Variants in PIEZO2 observed in about 807,000 individuals in gnomAD.
The protein encoded by PIEZO2 is piezo-type mechanosensitive ion channel component 2.
Under a neutral mutation model 337.3 loss-of-function variants are expected in PIEZO2, and 172 were observed. That is an observed-to-expected ratio of 0.51 (90% CI 0.45 to 0.58). The LOEUF (loss-of-function observed/expected upper bound fraction) is 0.58. PIEZO2 is among the 20% of genes least tolerant of loss of function. The pLI, the probability that PIEZO2 is intolerant of heterozygous loss-of-function variation, is 0.00. For synonymous variants in PIEZO2, 1,251 were observed against 1,228.5 expected (o/e 1.02, Z -0.38); for missense variants, 3,028 against 3,391.3 (o/e 0.89, Z 2.66).
chr18:10,931,982 C>T (rs555504551), intron 3 of PIEZO2, among the ~76,000 whole-genome samples: 2 of 152,168 alleles, frequency 1.3e-5, no homozygotes, highest in East Asian at 1.9e-4. Context: ...TCCTTAGATA[C>T]GGATATATCT....
intron 3 of PIEZO2, among the ~76,000 whole-genome samples, chr18:10,941,551 A>C (rs902730346): frequency 2.5e-4 from 38 of 152,358 alleles, no homozygotes; most frequent in African/African-American, 7.5e-4. Flanking sequence ...TGCCTAGTAG[A>C]AGCAAACACA....
chr18:10,960,897 G>C (rs941033682), intron 3 of PIEZO2, among the ~76,000 whole-genome samples: 1 of 152,146 alleles, frequency 6.6e-6, no homozygotes, highest in Non-Finnish European at 1.5e-5. Context: ...ACTGTGGTAT[G>C]GCCCGGGGTG....
chr18:10,926,034 C>A (rs939340101), intron 3 of PIEZO2, among the ~76,000 whole-genome samples: 1 of 152,202 alleles, frequency 6.6e-6, no homozygotes, highest in African/African-American at 2.4e-5. Flanking sequence ...CATTTAAGAT[C>A]TTAGGCAGAA....
intron 11 of PIEZO2, among the ~76,000 whole-genome samples, chr18:10,798,423 C>T (rs6505596): frequency 0.28 from 42,578 of 152,104 alleles, 6,982 homozygotes; most frequent in Middle Eastern, 0.41. Flanking sequence ...ATGGTGTGTC[C>T]TTGGCAGAAG....
intron 2 of PIEZO2, among the ~76,000 whole-genome samples, chr18:11,019,659 C>T (rs2036242224): frequency 6.6e-6 from 1 of 152,172 alleles, no homozygotes; most frequent in South Asian, 2.1e-4. Flanking sequence ...TATATTGATG[C>T]TCTTGTCATC....
Position 10,726,133 on chromosome 18 carries a change from A to C in PIEZO2, c.5029+5274T>G, listed in dbSNP as rs780716810. 2.3e-4 allele frequency among the ~76,000 whole-genome samples: 35 copies of C among 150,398 alleles called. No homozygotes were observed. Among genetic ancestry groups the C allele is most frequent in the Middle Eastern group, 6.8e-3 (2 of 292 alleles). ...TGCACGTGTGTGGGTGCGTGGGTGT[A>C]GGGTGGTGGGGGGATGGGTGGGAGA... On this transcript the variant is annotated intron_variant, in intron 36 of 55. Coordinates refer to ENST00000674853, the MANE Select transcript of PIEZO2 (RefSeq NM_001378183.1). This position sits in a 1 kb window ranked among gnomAD's most constrained non-coding sequence, Gnocchi z 5.9.
rs1201415207 is a variant in PIEZO2 at position 10,673,105 on chromosome 18, T to C, written c.8162-232A>G. ...GTCAGCCGCTGTTGCTACATGGGCA[T>C]GGCAGCAAAACCACAGGGCAAAAGT... On this transcript the variant is annotated intron_variant, in intron 54 of 55. Coordinates refer to ENST00000674853, the MANE Select transcript of PIEZO2 (RefSeq NM_001378183.1). The surrounding 1 kb of genome is among the most constrained non-coding windows in gnomAD (Gnocchi z 4.8). 2.0e-5 allele frequency among the ~76,000 whole-genome samples: 3 copies of C among 152,152 alleles called. No individual in the cohort carries two copies. Among genetic ancestry groups the C allele is most frequent in the African/African-American group, 4.8e-5 (2 of 41,436 alleles).
rs745351795 is a variant in PIEZO2 at position 10,681,669 on chromosome 18, T to C, written c.7771A>G (p.Arg2591Gly). ...SFNKFIQAFS[R>G]DTGAMQFLEN... ...TATAGGGATTTACTTACGGTGTCCC[T>C]AGAAAAAGCTTGTATAAATTTGTTA... The change falls in exon 51 of 56, where the codon AGG becomes GGG. Residue 2591 changes from arginine to glycine, a missense_variant. Around this residue, in one of 5 missense-constraint regions of PIEZO2, gnomAD observed 332 missense variants for 363.8 expected, o/e 0.91. Transcript: ENST00000674853. 2 of 1,592,644 alleles carry C rather than the reference T, an allele frequency of 1.3e-6. No individual in the cohort carries two copies. The highest frequency in any genetic ancestry group is 1.7e-6 in the Non-Finnish European group (2 of 1,160,552).
At chr18:11,130,354 T>A (rs1193910362) in intron 1 of PIEZO2, among the ~76,000 whole-genome samples, 1 of 152,252 alleles carries the variant, frequency 6.6e-6, no homozygotes, top group East Asian at 1.9e-4. Flanking sequence ...ACTTGGCAAA[T>A]GCCTTTGTCT....
rs1356464778 is a variant in PIEZO2 at position 10,864,702 on chromosome 18, AGT to A, written c.492+6549_492+6550del. On this transcript the variant is annotated intron_variant, in intron 5 of 55. Coordinates refer to ENST00000674853, the MANE Select transcript of PIEZO2 (RefSeq NM_001378183.1). ...ATCAAGAGCAGTTCACCTACATATC[AGT>A]GTGCCCTGGCAAAGCCCCAGAAGGG... is the stretch of plus-strand genomic sequence containing the variant. 3.9e-5 allele frequency among the ~76,000 whole-genome samples: 6 copies of A among 152,268 alleles called. No individual in the cohort carries two copies. The East Asian group carries it at 7.7e-4, about 20-fold the overall frequency.
intron 31 of PIEZO2, 121 bp downstream of exon 31, chr18:10,744,021 T>C (rs1305236968): frequency 3.2e-6 from 2 of 629,050 alleles, no homozygotes; most frequent in African/African-American, 3.7e-5. Flanking sequence ...AATAGGAAGT[T>C]GTGAAAGTCC....
chr18:10,922,212 A>G (rs2031462929), intron 3 of PIEZO2, among the ~76,000 whole-genome samples: 1 of 152,110 alleles, frequency 6.6e-6, no homozygotes, highest in African/African-American at 2.4e-5. Flanking sequence ...CACAGAATCT[A>G]CCGACATGTG....
intron 27 of PIEZO2, among the ~76,000 whole-genome samples, chr18:10,756,180 G>T (rs1207262439): frequency 6.7e-6 from 1 of 149,220 alleles, no homozygotes; most frequent in Non-Finnish European, 1.5e-5. Flanking sequence ...GGAGGGATGA[G>T]GATGAGGCAG....
At chr18:10,725,188 G>C (rs761118466) in intron 36 of PIEZO2, 7 of 1,546,522 alleles carry the variant, frequency 4.5e-6, no homozygotes, top group Admixed American at 1.7e-5. Flanking sequence ...CCATCAGGCA[G>C]TTGGCATCAT....
intron 3 of PIEZO2, among the ~76,000 whole-genome samples, chr18:10,944,688 G>A (rs148864368): frequency 6.6e-6 from 1 of 151,690 alleles, no homozygotes; most frequent in African/African-American, 2.4e-5. Flanking sequence ...TTAGAGGCAA[G>A]AGTGAGTAAA....
At chr18:10,874,135 C>G (rs555635522) in intron 4 of PIEZO2, among the ~76,000 whole-genome samples, 1 of 151,952 alleles carries the variant, frequency 6.6e-6, no homozygotes, top group Non-Finnish European at 1.5e-5. Context: ...AAATAAACAA[C>G]CAATTAAAAA....
chr18:10,889,968 T>C lies in PIEZO2; in HGVS notation c.330-18553A>G, dbSNP rs926624632. Among the ~76,000 whole-genome samples the C allele has an allele frequency of 2.6e-5, 4 of 152,228 alleles. No homozygotes were observed. The East Asian group carries it at 7.7e-4, about 29-fold the overall frequency. On this transcript the variant is annotated intron_variant, in intron 4 of 55. Coordinates refer to ENST00000674853, the MANE Select transcript of PIEZO2 (RefSeq NM_001378183.1). ...GTCACCATGTCTCTGTCTTTCCTCTTGGACCTTGGCTCCCCCAGCACTGTC... is the reference window on the plus strand; with the variant it reads ...GTCACCATGTCTCTGTCTTTCCTCTCGGACCTTGGCTCCCCCAGCACTGTC...
rs1193453988 is a variant in PIEZO2 at position 11,070,540 on chromosome 18, C to G, written c.65-4318G>C. On this transcript the variant is annotated intron_variant, in intron 1 of 55. Coordinates refer to ENST00000674853, the MANE Select transcript of PIEZO2 (RefSeq NM_001378183.1). This position sits in a 1 kb window ranked among gnomAD's most constrained non-coding sequence, Gnocchi z 4.3. ...GAAAGAAAAAAGCAGCAGAAAAATT[C>G]GAGACGGATATGAGAAAAACCAGGA... 6.6e-6 allele frequency among the ~76,000 whole-genome samples: 1 copy of G among 152,108 alleles called. No homozygotes were observed. Among genetic ancestry groups the G allele is most frequent in the Non-Finnish European group, 1.5e-5 (1 of 68,026 alleles).
chr18:10,991,286 T>G (rs983567732), intron 2 of PIEZO2, among the ~76,000 whole-genome samples: 10 of 151,914 alleles, frequency 6.6e-5, no homozygotes, highest in African/African-American at 2.4e-4. Flanking sequence ...AATGTGCAGT[T>G]TTGTTACATA....
Sources: allele counts gnomAD v4.1 joint callset (sites outside exome capture counted in the v4.1 genomes callset), GRCh38; gene constraint gnomAD v4.1.1; regional missense constraint gnomAD v4.1.1; non-coding constraint Gnocchi (gnomAD v3.1); transcripts MANE v1.5; gene names NCBI Gene and HGNC (gene_info 2026-07-23, HGNC 2026-07-21).